DNAH14: variants seen among roughly 807,000 people sequenced by gnomAD.
DNAH14 encodes the protein dynein axonemal heavy chain 14.
DNAH14 carries 478 observed loss-of-function variants against 520.9 expected under a neutral mutation model. That is an observed-to-expected ratio of 0.92 (90% confidence interval 0.85 to 0.99). The LOEUF is 0.99. Among genes scored for constraint, DNAH14 ranks in the 50% least tolerant of loss-of-function variants. DNAH14 has a pLI of 0.00. For missense variants in DNAH14, 4,831 were observed against 5,234.5 expected (o/e 0.92, Z 2.38); for synonymous variants, 1,581 against 1,757.2 (o/e 0.90, Z 2.51).
At chr1:225,105,645 CT>C (rs1246947887) in intron 23 of DNAH14, among the ~76,000 whole-genome samples, 7 of 152,136 alleles carry the variant, frequency 4.6e-5, no homozygotes, top group Non-Finnish European at 1.0e-4. Flanking sequence ...TTGTAATGGC[CT>C]TCTTTGTCTC....
At chr1:225,379,832 AT>A (rs1252905088) in intron 79 of DNAH14, among the ~76,000 whole-genome samples, 2 of 152,064 alleles carry the variant, frequency 1.3e-5, no homozygotes, top group Admixed American at 6.6e-5. Context: ...GCCAATTTTT[AT>A]TTTTTTAATT....
chr1:225,067,773 T>C (rs2148467717), intron 17 of DNAH14, among the ~76,000 whole-genome samples: 1 of 151,996 alleles, frequency 6.6e-6, no homozygotes, highest in East Asian at 1.9e-4. Context: ...ACTGTTGATG[T>C]CCTTTACCCA....
At chr1:225,168,764 G>T (rs1252131579) in intron 36 of DNAH14, among the ~76,000 whole-genome samples, 1 of 152,198 alleles carries the variant, frequency 6.6e-6, no homozygotes, top group Non-Finnish European at 1.5e-5. Context: ...AACCTCTGCA[G>T]ACTTAAATGT....
intron 38 of DNAH14, among the ~76,000 whole-genome samples, chr1:225,197,582 A>G (rs2149379954): frequency 1.3e-5 from 2 of 152,186 alleles, no homozygotes; most frequent in Admixed American, 1.3e-4. Context: ...GTGAAGAATG[A>G]TAGTGGTATT....
chr1:225,266,970 T>A (rs1033818863), intron 49 of DNAH14, among the ~76,000 whole-genome samples: 5 of 152,210 alleles, frequency 3.3e-5, no homozygotes, highest in Non-Finnish European at 5.9e-5. Flanking sequence ...GAAATCCTAC[T>A]TTTAATAGGT....
chr1:225,078,135 A>G (rs138609578), intron 17 of DNAH14, among the ~76,000 whole-genome samples: 1 of 152,316 alleles, frequency 6.6e-6, no homozygotes, highest in East Asian at 1.9e-4. Context: ...TTTGACAAGT[A>G]TGGTTATAAA....
At position 225,051,684 on chromosome 1, in the gene DNAH14, T is replaced by C; in HGVS notation, c.2313T>C (p.Val771=). 1 of 1,551,298 alleles carries C rather than the reference T, an allele frequency of 6.4e-7. No individual in the cohort carries two copies. Among genetic ancestry groups the C allele is most frequent in the Non-Finnish European group, 8.7e-7 (1 of 1,146,686 alleles). ...AGAAGCGTATTGGTATTTTCAACGT[T>C]GTAAGTCTTGATTATCAATCAGAAT... ...AIEKRIGIFN[V]VSLDYQSECL... Residue 771 remains valine, a synonymous_variant, in exon 17 of 86, where the codon GTT becomes GTC. Coordinates refer to ENST00000682510, the MANE Select transcript of DNAH14 (RefSeq NM_001367479.1).
chr1:225,337,486 T>A lies in DNAH14; in HGVS notation c.10301T>A (p.Val3434Asp). The change falls in exon 67 of 86, where the codon GTC becomes GAC. Residue 3434 changes from valine (V) to aspartate (D), a missense_variant. Coordinates refer to ENST00000682510, the MANE Select transcript of DNAH14 (RefSeq NM_001367479.1). ...IENAMKTGGS[V>D]LLQNLLETLA... Reference sequence around the variant, plus strand: ...AATGCTATGAAGACAGGAGGGAGTGTCCTCCTGCAGGTAAGTGGGCAGTAT... The same window carrying A: ...AATGCTATGAAGACAGGAGGGAGTGACCTCCTGCAGGTAAGTGGGCAGTAT... 1 of 1,550,294 alleles carries A rather than the reference T, an allele frequency of 6.5e-7. No homozygotes were observed. The highest frequency in any genetic ancestry group is 1.2e-5 in the South Asian group (1 of 84,004).
Position 225,152,090 on chromosome 1 carries a change from C to A in DNAH14, c.5009+17C>A. ...GAATCCCAGGTAAGTATCAGTAAAT[C>A]TAGTGGGAATAGACACAGACAAAAA... On this transcript the variant is annotated intron_variant, in intron 32 of 85. Transcript: ENST00000682510. The A allele has an allele frequency of 6.5e-7, 1 of 1,542,622 alleles. No individual in the cohort carries two copies. Among genetic ancestry groups the A allele is most frequent in the Non-Finnish European group, 8.8e-7 (1 of 1,141,928 alleles).
intron 23 of DNAH14, among the ~76,000 whole-genome samples, chr1:225,102,613 G>C (rs1397079640): frequency 1.3e-5 from 2 of 152,136 alleles, no homozygotes; most frequent in Non-Finnish European, 2.9e-5. Context: ...TCTCATTGTG[G>C]TTTAGATTTG....
chr1:225,106,250 A>G (rs1413935620), intron 23 of DNAH14, among the ~76,000 whole-genome samples: 1 of 151,694 alleles, frequency 6.6e-6, no homozygotes, highest in Non-Finnish European at 1.5e-5. Flanking sequence ...CCGAGAGACC[A>G]GCTGTTAGTG....
At chr1:225,242,853 G>A (rs986894444) in intron 43 of DNAH14, among the ~76,000 whole-genome samples, 1 of 152,092 alleles carries the variant, frequency 6.6e-6, no homozygotes, top group Non-Finnish European at 1.5e-5. Flanking sequence ...TGACAGCTAC[G>A]ATGTTACGAT....
intron 54 of DNAH14, among the ~76,000 whole-genome samples, chr1:225,286,662 T>G (rs2093752759): frequency 6.6e-6 from 1 of 152,126 alleles, no homozygotes. Context: ...TGGAAGACAG[T>G]TTAGCAGTTT....
chr1:225,003,809 G>A (rs554663344), intron 9 of DNAH14, among the ~76,000 whole-genome samples: 10 of 151,946 alleles, frequency 6.6e-5, no homozygotes, highest in Non-Finnish European at 1.0e-4. Context: ...TCTTTGATTT[G>A]GTTTTTATGT....
intron 35 of DNAH14, among the ~76,000 whole-genome samples, chr1:225,167,424 G>T (rs764714709): frequency 1.3e-5 from 2 of 152,158 alleles, no homozygotes; most frequent in Non-Finnish European, 2.9e-5. Context: ...ATCTTTCCAA[G>T]CTGCAGCTGC....
At chr1:225,040,466 TA>T (rs1325052200) in intron 12 of DNAH14, among the ~76,000 whole-genome samples, 2 of 152,236 alleles carry the variant, frequency 1.3e-5, no homozygotes, top group African/African-American at 4.8e-5. Flanking sequence ...AATGCATATG[TA>T]TTTTTTTAAT....
intron 27 of DNAH14, among the ~76,000 whole-genome samples, chr1:225,133,898 C>A (rs1573390236): frequency 6.6e-6 from 1 of 151,934 alleles, no homozygotes; most frequent in African/African-American, 2.4e-5. Context: ...TCTCTGATTT[C>A]CCTGAGCAGT....
rs775379976 is a variant in DNAH14 at position 225,351,847 on chromosome 1, G to C, written c.11497G>C (p.Ala3833Pro). ...CAGCACACCTTTCTCTTCAGAAAATGCTTCATTGGAGGAAAATACAAAACC... is the reference window on the plus strand; with the variant it reads ...CAGCACACCTTTCTCTTCAGAAAATCCTTCATTGGAGGAAAATACAAAACC... ...LISTPFSSEN[A>P]SLEENTKPPE... is the part of the protein sequence containing the mutation. Residue 3833 changes from alanine to proline, a missense_variant, in exon 72 of 86, where the codon GCT (alanine) becomes CCT (proline). Coordinates refer to ENST00000682510, the MANE Select transcript of DNAH14 (RefSeq NM_001367479.1). 2 of 1,550,928 alleles carry C rather than the reference G, an allele frequency of 1.3e-6. No individual in the cohort carries two copies. The highest frequency in any genetic ancestry group is 4.9e-5 in the East Asian group (2 of 40,916).
chr1:225,363,685 C>G (rs1242020241), intron 75 of DNAH14, among the ~76,000 whole-genome samples: 1 of 152,134 alleles, frequency 6.6e-6, no homozygotes, highest in Non-Finnish European at 1.5e-5. Context: ...CTTGGATATT[C>G]GATTCCCTTA....
Sources: allele counts gnomAD v4.1 joint callset (sites outside exome capture counted in the v4.1 genomes callset), GRCh38; gene constraint gnomAD v4.1.1; transcripts MANE v1.5; gene names NCBI Gene and HGNC (gene_info 2026-07-23, HGNC 2026-07-21).